ZNFX1: variants seen among roughly 807,000 people sequenced by gnomAD.
ZNFX1 encodes the protein zinc finger NFX1-type containing 1.
In ZNFX1, 78 loss-of-function variants were observed where a neutral mutation model predicts 179.8. The ratio of observed to expected loss-of-function variants is 0.43; its 90% CI spans 0.36 to 0.52. The LOEUF is 0.52. Ranked by LOEUF, ZNFX1 falls within the 20% of genes least tolerant of loss-of-function variation. The pLI is 0.00. For synonymous variants in ZNFX1, 848 were observed against 868.5 expected (o/e 0.98, Z 0.42); for missense variants, 1,927 against 2,386.6 (o/e 0.81, Z 4.01).
chr20:49,262,425 GA>G (rs201850269), intron 6 of ZNFX1, among the ~76,000 whole-genome samples: 2,795 of 129,132 alleles, frequency 0.022, 64 homozygotes, highest in South Asian at 0.089. Context: ...AAAAAAAGAA[GA>G]AAAAAAAAAA....
chr20:49,254,725 C>T, intron 9 of ZNFX1, 76 bp from the exon 10 acceptor site: 1 of 1,518,496 alleles, frequency 6.6e-7, no homozygotes, highest in Non-Finnish European at 9.0e-7. Flanking sequence ...TCAGTGTGCC[C>T]AGTGTATGAA....
chr20:49,262,407 CA>C (rs553327409), intron 6 of ZNFX1, among the ~76,000 whole-genome samples: 24,593 of 84,310 alleles, frequency 0.29, 1,785 homozygotes, highest in Non-Finnish European at 0.31. Flanking sequence ...AACTCTGTCT[CA>C]AAAAAAAAAA....
chr20:49,252,796 T>C lies in ZNFX1; in HGVS notation c.3140A>G (p.Lys1047Arg). ...AAGGGACACCTCAAGGTTGAAGTTC[T>C]TGGCCAGATCATACACGTTGGCACT... is the stretch of plus-strand genomic sequence containing the variant. The part of the protein sequence containing the change: ...RPSANVYDLA[K>R]NFNLEVSLFE... Residue 1047 changes from lysine (K) to arginine (R), a missense_variant, in exon 12 of 14, where the codon AAG (lysine) becomes AGG (arginine). Transcript: ENST00000396105. The C allele has an allele frequency of 6.2e-7, 1 of 1,614,180 alleles. No individual in the cohort carries two copies. Among genetic ancestry groups the C allele is most frequent in the South Asian group, 1.1e-5 (1 of 91,078 alleles).
At position 49,260,402 on chromosome 20, in the gene ZNFX1, G is replaced by A; in HGVS notation, c.2416+61C>T. On this transcript the variant is annotated intron_variant, in intron 7 of 13. Transcript: ENST00000396105. ...CTGGGAATTATTTTTAAGTCTCACTGTTCTGGTATTTACTATATTCTACGT... is the reference window on the plus strand; with the variant it reads ...CTGGGAATTATTTTTAAGTCTCACTATTCTGGTATTTACTATATTCTACGT... The A allele has an allele frequency of 3.5e-6, 4 of 1,153,222 alleles. No homozygotes were observed. The South Asian group carries it at 4.3e-5, about 12-fold the overall frequency. The allele number at this position is 1,153,222 out of a possible 1,614,324, so 71.4% of individuals were successfully genotyped here. A position where few individuals can be genotyped will look rare whatever the true frequency, so the allele number is the denominator to read the frequency against.
chr20:49,275,910 G>A (rs1363881916), intron 1 of ZNFX1, 23 bp from the exon 2 acceptor site: 2 of 1,541,726 alleles, frequency 1.3e-6, no homozygotes, highest in Non-Finnish European at 1.8e-6. Context: ...AGTTATCAGT[G>A]TCCTCGAAAC....
intron 7 of ZNFX1, among the ~76,000 whole-genome samples, chr20:49,258,461 T>C (rs1011214078): frequency 1.3e-5 from 2 of 152,186 alleles, no homozygotes; most frequent in African/African-American, 4.8e-5. Context: ...GGTCTCCTTA[T>C]ATACTTTTTG....
Position 49,264,849 on chromosome 20 carries a change from T to G in ZNFX1, c.2018A>C (p.Gln673Pro). The change falls in exon 5 of 14, where the codon CAG (glutamine) becomes CCG (proline). Residue 673 changes from glutamine to proline, a missense_variant. Gln to Pro is a moderately conservative substitution (Grantham distance 76, BLOSUM62 -1). Coordinates refer to ENST00000396105, the MANE Select transcript of ZNFX1 (RefSeq NM_021035.3). ...ACCCACCCGCACAATGCTGGTCTTC[T>G]GACAATTGTAGATGCCTGTGGAACA... ...DQFLEGIYNC[Q>P]KTSIVRVGGR... 1 of 1,614,220 alleles carries G rather than the reference T, an allele frequency of 6.2e-7. No homozygotes were observed. Among genetic ancestry groups the G allele is most frequent in the Non-Finnish European group, 8.5e-7 (1 of 1,180,042 alleles).
rs1486058043 is a variant in ZNFX1, at chr20:49,246,337, A to G, written c.*930T>C. On this transcript the variant is annotated 3_prime_UTR_variant, in exon 14 of 14. Transcript: ENST00000396105. ...CTTAATGACGACCTGGGCCTGCTGC[A>G]TAAGGCCCATCTTATGCAGCATGTG... The G allele has an allele frequency of 6.5e-6, 1 of 152,798 alleles. No individual in the cohort carries two copies. Among genetic ancestry groups the G allele is most frequent in the Non-Finnish European group, 1.5e-5 (1 of 68,208 alleles). 9.5% of individuals were successfully genotyped at this position (152,798 alleles called of 1,614,324 possible). A position where few individuals can be genotyped will look rare whatever the true frequency, so the allele number is the denominator to read the frequency against.
Position 49,269,979 on chromosome 20 carries a change from T to C in ZNFX1, c.1833A>G (p.Thr611=), listed in dbSNP as rs2146741305. The stretch of plus-strand genomic sequence containing the variant: ...GTCCTTGAATAATAGCCAGTTCCCT[T>C]GTGAGAGCAAACTGCAAGGCTTCCA... The part of the protein sequence containing the change: ...SQMEALQFAL[T]RELAIIQGPP... Residue 611 remains threonine (T), a synonymous_variant, in exon 3 of 14, where the codon ACA becomes ACG. Coordinates refer to ENST00000396105, the MANE Select transcript of ZNFX1 (RefSeq NM_021035.3). The C allele has an allele frequency of 6.2e-6, 10 of 1,612,852 alleles. No individual in the cohort carries two copies. Among genetic ancestry groups the C allele is most frequent in the Non-Finnish European group, 8.5e-6 (10 of 1,179,752 alleles).
chr20:49,251,080 T>C (rs1407580009), intron 13 of ZNFX1, among the ~76,000 whole-genome samples: 1 of 151,842 alleles, frequency 6.6e-6, no homozygotes, highest in African/African-American at 2.4e-5. Context: ...CCCTGGTCTG[T>C]ATTTCAATTT....
intron 1 of ZNFX1, among the ~76,000 whole-genome samples, chr20:49,277,354 G>A (rs1264730571): frequency 1.3e-5 from 2 of 150,696 alleles, no homozygotes; most frequent in African/African-American, 2.4e-5. Context: ...GGTTATGGGG[G>A]CCTTGGGGAG....
At position 49,260,142 on chromosome 20, in the gene ZNFX1, C is replaced by T. The variant is rs79358563; in HGVS notation, c.2416+321G>A. On this transcript the variant is annotated intron_variant, in intron 7 of 13. Coordinates refer to ENST00000396105, the MANE Select transcript of ZNFX1 (RefSeq NM_021035.3). ...TAAAAGTCTTTTATCTCATTAGCTG[C>T]GCGTGGTGGCACTTGCCTGTAATGC... Among the ~76,000 whole-genome samples, 654 of 151,960 alleles carry T rather than the reference C, an allele frequency of 4.3e-3. 4 individuals carry two copies. The highest frequency in any genetic ancestry group is 0.015 in the African/African-American group (616 of 41,440).
chr20:49,266,010 A>G (rs1405256551), intron 4 of ZNFX1, 125 bp downstream of exon 4: 2 of 1,076,194 alleles, frequency 1.9e-6, no homozygotes, highest in Admixed American at 2.4e-5. Flanking sequence ...ACAGATCACA[A>G]ACGGCCATGT....
intron 3 of ZNFX1, 72 bp from the exon 4 acceptor site, chr20:49,266,338 CT>C (rs1355461426): frequency 2.8e-6 from 4 of 1,409,670 alleles, no homozygotes; most frequent in Non-Finnish European, 3.8e-6. Flanking sequence ...AGAGCAAAAT[CT>C]TTTTTTAAAT....
intron 6 of ZNFX1, among the ~76,000 whole-genome samples, chr20:49,261,360 A>G (rs144614887): frequency 1.3e-3 from 197 of 152,370 alleles, no homozygotes; most frequent in African/African-American, 4.5e-3. Context: ...CATATATACC[A>G]TGGAATACTA....
intron 3 of ZNFX1, 43 bp from the exon 4 acceptor site, chr20:49,266,309 CTAAA>C (rs1471704864): frequency 6.5e-7 from 1 of 1,547,128 alleles, no homozygotes; most frequent in Non-Finnish European, 8.7e-7. Context: ...TAGACATTTT[CTAAA>C]TAAAGTAATT....
rs1304763868 is a variant in ZNFX1, at chr20:49,270,598, A to G, written c.1214T>C (p.Phe405Ser). 2 of 1,614,078 alleles carry G rather than the reference A, an allele frequency of 1.2e-6. No homozygotes were observed. Among genetic ancestry groups the G allele is most frequent in the East Asian group, 2.2e-5 (1 of 44,904 alleles). ...FEDQGLRKRK[F>S]DDIRIYFDTR... is the part of the protein sequence containing the mutation. ...GTCAAAGTAGATTCGGATGTCATCA[A>G]ACTTTCTCTTCCTCAGGCCCTGGTC... The change falls in exon 3 of 14, where the codon TTT (phenylalanine) becomes TCT (serine). Residue 405 changes from phenylalanine to serine, a missense_variant. Phe to Ser is a radical substitution (Grantham distance 155, BLOSUM62 -2). Coordinates refer to ENST00000396105, the MANE Select transcript of ZNFX1 (RefSeq NM_021035.3). This position sits in a 1 kb window ranked among gnomAD's most constrained non-coding sequence, Gnocchi z 4.6.
chr20:49,264,972 C>T, intron 4 of ZNFX1, 108 bp from the exon 5 acceptor site: 1 of 1,491,466 alleles, frequency 6.7e-7, no homozygotes, highest in Non-Finnish European at 9.2e-7. Flanking sequence ...AGAGAATAAA[C>T]TTGTGCTTAA....
intron 1 of ZNFX1, among the ~76,000 whole-genome samples, chr20:49,277,661 C>T (rs962020279): frequency 6.7e-6 from 1 of 148,226 alleles, no homozygotes; most frequent in African/African-American, 2.5e-5. Context: ...ACAGGGGAGC[C>T]GAAGGGGCGA....
Sources: allele counts gnomAD v4.1 joint callset (sites outside exome capture counted in the v4.1 genomes callset), GRCh38; gene constraint gnomAD v4.1.1; non-coding constraint Gnocchi (gnomAD v3.1); transcripts MANE v1.5; gene names NCBI Gene and HGNC (gene_info 2026-07-23, HGNC 2026-07-21).